The following KIAA1217 variants were observed in gnomAD, a reference collection of about 807,000 sequenced individuals.
KIAA1217 encodes KIAA1217.
Under a neutral mutation model 163.9 loss-of-function variants are expected in KIAA1217, and 88 were observed. That is an observed-to-expected ratio of 0.54 (90% confidence interval 0.45 to 0.64). KIAA1217 has a LOEUF of 0.64. Ranked by LOEUF, KIAA1217 falls within the 30% of genes least tolerant of loss-of-function variation. The pLI is 0.00. For synonymous variants in KIAA1217, 903 were observed against 923.1 expected, an observed-to-expected ratio of 0.98 and a Z score of 0.39; for missense variants, 2,372 against 2,475.0, an observed-to-expected ratio of 0.96 and a Z score of 0.88.
chr10:23,952,198 C>T (rs1472059751), intron 1 of KIAA1217, among the ~76,000 whole-genome samples: 3 of 152,220 alleles, frequency 2.0e-5, no homozygotes, highest in Non-Finnish European at 4.4e-5. Context: ...GCGATCCCAG[C>T]ATTTATTCCG....
At chr10:23,818,817 T>G (rs1301650008) in intron 1 of KIAA1217, among the ~76,000 whole-genome samples, 1 of 152,204 alleles carries the variant, frequency 6.6e-6, no homozygotes, top group African/African-American at 2.4e-5. Flanking sequence ...GTAAGCTCTC[T>G]TGACAAATGT....
At chr10:24,169,342 C>A (rs991231851) in intron 2 of KIAA1217, among the ~76,000 whole-genome samples, 1 of 152,186 alleles carries the variant, frequency 6.6e-6, no homozygotes, top group Non-Finnish European at 1.5e-5. Context: ...TCATTCTCTC[C>A]ATTCTAGTCC....
intron 1 of KIAA1217, among the ~76,000 whole-genome samples, chr10:23,733,956 T>G (rs555945367): frequency 4.1e-4 from 63 of 152,330 alleles, no homozygotes; most frequent in African/African-American, 1.4e-3. Context: ...AGTATATCTA[T>G]ATATTCCTGA....
chr10:23,822,367 A>G (rs148927899), intron 1 of KIAA1217, among the ~76,000 whole-genome samples: 2 of 152,336 alleles, frequency 1.3e-5, no homozygotes, highest in African/African-American at 4.8e-5. Flanking sequence ...AGTAGCAGAA[A>G]CAAGACATAA....
chr10:24,229,966 A>T (rs894770284), intron 2 of KIAA1217, among the ~76,000 whole-genome samples: 5 of 152,186 alleles, frequency 3.3e-5, no homozygotes, highest in African/African-American at 1.2e-4. Flanking sequence ...AATACTACCT[A>T]TTCCTCAAAA....
chr10:23,849,838 A>T (rs192397891), intron 1 of KIAA1217, among the ~76,000 whole-genome samples: 1 of 152,100 alleles, frequency 6.6e-6, no homozygotes, highest in African/African-American at 2.4e-5. Context: ...TGTTCTCCCA[A>T]TGTGACCGTC....
chr10:23,699,713 C>T (rs561125084), intron 1 of KIAA1217, among the ~76,000 whole-genome samples: 16 of 152,168 alleles, frequency 1.1e-4, no homozygotes, highest in Non-Finnish European at 2.2e-4. Context: ...CAGCCTCGAA[C>T]TCTTGGGCTC....
intron 1 of KIAA1217, among the ~76,000 whole-genome samples, chr10:23,822,040 G>C (rs1011118418): frequency 6.6e-6 from 1 of 152,136 alleles, no homozygotes; most frequent in Non-Finnish European, 1.5e-5. Flanking sequence ...TAGACAATAA[G>C]TAAGAGCGGG....
chr10:24,094,901 C>T (rs893981066), intron 2 of KIAA1217, among the ~76,000 whole-genome samples: 1 of 152,200 alleles, frequency 6.6e-6, no homozygotes, highest in African/African-American at 2.4e-5. Context: ...TTCGAGCTTC[C>T]CGGCTGCTTT....
At chr10:24,334,446 A>AGGAT (rs1234268909) in intron 2 of KIAA1217, among the ~76,000 whole-genome samples, 1 of 127,128 alleles carries the variant, frequency 7.9e-6, no homozygotes, top group African/African-American at 3.3e-5. Context: ...GATGGAAGGA[A>AGGAT]GGAAGGAAGG....
intron 2 of KIAA1217, among the ~76,000 whole-genome samples, chr10:24,300,101 A>T (rs1323009420): frequency 6.6e-6 from 1 of 152,198 alleles, no homozygotes; most frequent in African/African-American, 2.4e-5. Context: ...ACGTACAGAG[A>T]GATGCTTTAC....
At chr10:23,963,598 T>G (rs1056312783) in intron 1 of KIAA1217, among the ~76,000 whole-genome samples, 4 of 152,202 alleles carry the variant, frequency 2.6e-5, no homozygotes, top group Non-Finnish European at 4.4e-5. Context: ...ATCTTTATAG[T>G]AGAATGATTT....
chr10:23,713,953 C>T (rs1038064825), intron 1 of KIAA1217, among the ~76,000 whole-genome samples: 2 of 152,042 alleles, frequency 1.3e-5, no homozygotes, highest in Non-Finnish European at 2.9e-5. Context: ...TTTAGGTACC[C>T]CATCCAGCTG....
At chr10:23,957,241 C>T (rs996909617) in intron 1 of KIAA1217, among the ~76,000 whole-genome samples, 23 of 152,148 alleles carry the variant, frequency 1.5e-4, no homozygotes, top group African/African-American at 5.3e-4. Flanking sequence ...ACATATGCCC[C>T]TTCTGGCTTC....
intron 1 of KIAA1217, among the ~76,000 whole-genome samples, chr10:23,776,729 G>A (rs1252130448): frequency 1.1e-4 from 15 of 140,508 alleles, no homozygotes; most frequent in African/African-American, 3.8e-4. Flanking sequence ...CACCCAGGCT[G>A]GAATGCAGTG....
chr10:24,187,783 A>C (rs1043379044), intron 2 of KIAA1217, among the ~76,000 whole-genome samples: 1 of 152,102 alleles, frequency 6.6e-6, no homozygotes, highest in African/African-American at 2.4e-5. Flanking sequence ...CCAGCTACTC[A>C]GGAGGCTGAG....
At chr10:23,992,895 A>G (rs7076804) in intron 1 of KIAA1217, among the ~76,000 whole-genome samples, 2,075 of 151,826 alleles carry the variant, frequency 0.014, 73 homozygotes, top group African/African-American at 0.038. Flanking sequence ...AGCCAGATAA[A>G]CTGAACCAAC....
intron 2 of KIAA1217, among the ~76,000 whole-genome samples, chr10:24,100,312 C>T (rs915937530): frequency 1.6e-4 from 25 of 152,158 alleles, no homozygotes; most frequent in Admixed American, 9.8e-4. Flanking sequence ...GTGCAGACAG[C>T]GACCCATTGG....
chr10:24,520,675 T>TACAC (rs1554926979), intron 11 of KIAA1217, among the ~76,000 whole-genome samples: 49 of 77,438 alleles, frequency 6.3e-4, no homozygotes, highest in Admixed American at 1.4e-3. Context: ...TATATATATA[T>TACAC]ACACACACAC....
Sources: allele counts gnomAD v4.1 joint callset (sites outside exome capture counted in the v4.1 genomes callset), GRCh38; gene constraint gnomAD v4.1.1; transcripts MANE v1.5; gene names NCBI Gene and HGNC (gene_info 2026-07-23, HGNC 2026-07-21).